The following DEPDC1 variants were observed in gnomAD, a reference collection of about 807,000 sequenced individuals.
The protein encoded by DEPDC1 is DEP domain containing 1.
DEPDC1 carries 66 observed loss-of-function variants against 86.8 expected under a neutral mutation model. The observed-to-expected ratio is 0.76, with a 90% CI of 0.62 to 0.93. The LOEUF (loss-of-function observed/expected upper bound fraction) is 0.93, where lower values mean the gene tolerates loss of function less well. Among genes scored for constraint, DEPDC1 ranks in the 40% least tolerant of loss-of-function variants. DEPDC1 has a pLI of 0.00. For missense variants in DEPDC1, 792 were observed against 935.7 expected, an observed-to-expected ratio of 0.85 and a Z score of 2.00; for synonymous variants, 255 against 314.9, an observed-to-expected ratio of 0.81 and a Z score of 2.02.
rs374120116 is a variant in DEPDC1 at position 68,477,774 on chromosome 1, C to A, written c.2298+13G>T. 55 of 1,455,254 alleles carry A rather than the reference C, an allele frequency of 3.8e-5. No homozygotes were observed. The highest frequency in any genetic ancestry group is 4.8e-5 in the Non-Finnish European group (52 of 1,085,312). 90.1% of individuals were successfully genotyped at this position (1,455,254 alleles called of 1,614,324 possible). On this transcript the variant is annotated intron_variant, in intron 11 of 11. Transcript: ENST00000456315. ...AAATGTTTACATGATTGAGAACTTG[C>A]TCATTCTCTTACCTGTTTTAGTTTT...
At chr1:68,488,874 A>C (rs758610376) in intron 4 of DEPDC1, 42 bp downstream of exon 4, 1 of 1,164,174 alleles carries the variant, frequency 8.6e-7, no homozygotes, top group African/African-American at 1.5e-5. Context: ...ATTAATAATC[A>C]GAACACATCA....
intron 6 of DEPDC1, among the ~76,000 whole-genome samples, chr1:68,484,709 G>A (rs1380661378): frequency 6.6e-6 from 1 of 151,878 alleles, no homozygotes; most frequent in Non-Finnish European, 1.5e-5. Flanking sequence ...TGTAAAATAA[G>A]CACAAGGCCC....
chr1:68,477,177 G>A, intron 11 of DEPDC1, 108 bp from the exon 12 acceptor site: 1 of 868,100 alleles, frequency 1.2e-6, no homozygotes, highest in African/African-American at 1.7e-5. Flanking sequence ...ACGTAGTATA[G>A]AGATTAGTAT....
chr1:68,482,080 T>C lies in DEPDC1; in HGVS notation c.1728A>G (p.Leu576=). The C allele has an allele frequency of 1.2e-6, 2 of 1,603,354 alleles. No individual in the cohort carries two copies. The highest frequency in any genetic ancestry group is 2.2e-5 in the East Asian group (1 of 44,808). The change falls in exon 8 of 12, where the codon TTA becomes TTG. Residue 576 remains leucine, a synonymous_variant. Transcript: ENST00000456315. ...KSTIELSENS[L]LPASSMLTGT... is the part of the protein sequence containing the mutation. The stretch of plus-strand genomic sequence containing the variant: ...CAGTCAACATAGAAGAAGCTGGAAG[T>C]AAAGAATTTTCTGAAAGTTCTATTG...
chr1:68,486,657 C>G (rs1311557622), intron 6 of DEPDC1, among the ~76,000 whole-genome samples: 1 of 151,704 alleles, frequency 6.6e-6, no homozygotes, highest in Admixed American at 6.6e-5. Context: ...CTTAAAAAAT[C>G]CTTTGAGATC....
At chr1:68,481,268 A>C (rs1208357668) in intron 9 of DEPDC1, among the ~76,000 whole-genome samples, 172 bp downstream of exon 9, 1 of 152,074 alleles carries the variant, frequency 6.6e-6, no homozygotes, top group Non-Finnish European at 1.5e-5. Flanking sequence ...GAGTGTGCAC[A>C]AAAGATTAAT....
rs530527404 is a variant in DEPDC1 at position 68,497,075 on chromosome 1, C to T, written c.-76G>A. The T allele has an allele frequency of 4.6e-6, 7 of 1,523,672 alleles. No homozygotes were observed. The Admixed American group carries it at 5.1e-5, about 11-fold the overall frequency. The allele number at this position is 1,523,672 out of a possible 1,614,324, so 94.4% of individuals were successfully genotyped here. A position where few individuals can be genotyped will look rare whatever the true frequency, so the allele number is the denominator to read the frequency against. On this transcript the variant is annotated 5_prime_UTR_variant, in exon 1 of 12. Transcript: ENST00000456315. ...CCCAGCGGCCGCGGCAGTGGCGAGT[C>T]TCGGCACAACCGTTGGCCCCGCCGC...
chr1:68,495,096 T>G (rs2100277475), intron 1 of DEPDC1, among the ~76,000 whole-genome samples: 1 of 152,140 alleles, frequency 6.6e-6, no homozygotes, highest in East Asian at 1.9e-4. Context: ...GAGCTGAGAT[T>G]GCACCATTGC....
intron 3 of DEPDC1, among the ~76,000 whole-genome samples, 168 bp downstream of exon 3, chr1:68,489,280 ATTCT>A (rs1239297889): frequency 1.3e-5 from 2 of 151,848 alleles, no homozygotes; most frequent in Non-Finnish European, 3.0e-5. Flanking sequence ...CATTTTTATT[ATTCT>A]TTCTATGGGT....
In DEPDC1 at chr1:68,496,761, T is replaced by C. The variant is rs943316874; in HGVS notation, c.48+191A>G. 7 of 565,038 alleles carry C rather than the reference T, an allele frequency of 1.2e-5. No individual in the cohort carries two copies. Among genetic ancestry groups the C allele is most frequent in the African/African-American group, 3.9e-5 (2 of 50,890 alleles). The allele number at this position is 565,038 out of a possible 1,614,324, so 35.0% of individuals were successfully genotyped here. A position where few individuals can be genotyped will look rare whatever the true frequency, so the allele number is the denominator to read the frequency against. ...GGACCTGAGGCCCAGACCCTCAAAA[T>C]AGAGGGAGCGGTGAGTCTGGCAAGG... On this transcript the variant is annotated intron_variant, in intron 1 of 11. Transcript: ENST00000456315. The surrounding 1 kb of genome is among the most constrained non-coding windows in gnomAD (Gnocchi z 4.0).
chr1:68,496,755 T>A lies in DEPDC1; in HGVS notation c.48+197A>T, dbSNP rs1646268522. The A allele has an allele frequency of 1.8e-6, 1 of 553,028 alleles. No individual in the cohort carries two copies. The highest frequency in any genetic ancestry group is 3.2e-6 in the Non-Finnish European group (1 of 311,698). The allele number at this position is 553,028 out of a possible 1,614,324, so 34.3% of individuals were successfully genotyped here. ...CCTTTCGGACCTGAGGCCCAGACCC[T>A]CAAAATAGAGGGAGCGGTGAGTCTG... On this transcript the variant is annotated intron_variant, in intron 1 of 11. Coordinates refer to ENST00000456315, the MANE Select transcript of DEPDC1 (RefSeq NM_001114120.3). This position sits in a 1 kb window ranked among gnomAD's most constrained non-coding sequence, Gnocchi z 4.0.
Position 68,496,654 on chromosome 1 carries a change from C to A in DEPDC1, c.48+298G>T. On this transcript the variant is annotated intron_variant, in intron 1 of 11. Transcript: ENST00000456315. This position sits in a 1 kb window ranked among gnomAD's most constrained non-coding sequence, Gnocchi z 4.0. ...CCAAATCGGAATATTCTAAGACGCC[C>A]CCACGGGACGCCGGCCACACCAGGC... The A allele has an allele frequency of 2.8e-6, 1 of 356,620 alleles. No homozygotes were observed. Among genetic ancestry groups the A allele is most frequent in the Non-Finnish European group, 5.1e-6 (1 of 197,884 alleles). 22.1% of individuals were successfully genotyped at this position (356,620 alleles called of 1,614,324 possible). A position where few individuals can be genotyped will look rare whatever the true frequency, so the allele number is the denominator to read the frequency against.
rs761606836 is a variant in DEPDC1, at chr1:68,482,853, GTATCCCA to G, written c.948_954del (p.Gly317IlefsTer15). On this transcript the variant is annotated frameshift_variant, in exon 8 of 12. Coordinates refer to ENST00000456315, the MANE Select transcript of DEPDC1 (RefSeq NM_001114120.3). LOFTEE classifies it high-confidence loss of function. ...GACTGTGGATCATCTTGAATTTTAT[GTATCCCA>G]CTGGATCTATCTGAAACTGTGATGT... The G allele has an allele frequency of 4.1e-5, 66 of 1,604,388 alleles. No individual in the cohort carries two copies. Among genetic ancestry groups the G allele is most frequent in the Non-Finnish European group, 5.5e-5 (65 of 1,176,214 alleles).
intron 2 of DEPDC1, among the ~76,000 whole-genome samples, chr1:68,491,650 T>TA (rs1290239212): frequency 6.6e-6 from 1 of 152,214 alleles, no homozygotes; most frequent in Non-Finnish European, 1.5e-5. Flanking sequence ...AATATAAACT[T>TA]ACAGTTTCAT....
rs1347565266 is a variant in DEPDC1, at chr1:68,482,746, T to G, written c.1062A>C (p.Lys354Asn). 1.2e-6 allele frequency: 2 copies of G among 1,612,590 alleles called. No individual in the cohort carries two copies. The highest frequency in any genetic ancestry group is 2.7e-5 in the African/African-American group (2 of 74,838). ...CAGTAGAATCTGATTCTTCTTTGTT[T>G]TTTTCTCTATGAAGCAGACTGAGAA... Reference protein sequence around the residue: ...CLLLSLLHREKNKEESDSTER... With the variant: ...CLLLSLLHRENNKEESDSTER... Residue 354 changes from lysine (K) to asparagine (N), a missense_variant, in exon 8 of 12, where the codon AAA becomes AAC. Lys to Asn is a moderately conservative substitution (Grantham distance 94). Transcript: ENST00000456315.
At chr1:68,489,149 G>A (rs1267241273) in intron 3 of DEPDC1, 115 bp from the exon 4 acceptor site, 2 of 703,864 alleles carry the variant, frequency 2.8e-6, no homozygotes, top group Non-Finnish European at 4.8e-6. Context: ...ATCTCCCAAA[G>A]AAATAATGTA....
At chr1:68,481,908 G>A in intron 8 of DEPDC1, 138 bp downstream of exon 8, 1 of 908,142 alleles carries the variant, frequency 1.1e-6, no homozygotes, top group Non-Finnish European at 1.6e-6. Context: ...TTATGTCACA[G>A]ACAAAAGTCT....
intron 2 of DEPDC1, 63 bp downstream of exon 2, chr1:68,494,367 T>C: frequency 7.1e-7 from 1 of 1,412,640 alleles, no homozygotes; most frequent in South Asian, 1.4e-5. Flanking sequence ...AGTAAAAGTA[T>C]AATATAAGTA....
intron 1 of DEPDC1, among the ~76,000 whole-genome samples, chr1:68,495,114 C>G (rs1646256444): frequency 6.6e-6 from 1 of 151,058 alleles, no homozygotes; most frequent in Non-Finnish European, 1.5e-5. Flanking sequence ...TGCACTCTAG[C>G]CTTGGCAACA....
Sources: allele counts gnomAD v4.1 joint callset (sites outside exome capture counted in the v4.1 genomes callset), GRCh38; gene constraint gnomAD v4.1.1; non-coding constraint Gnocchi (gnomAD v3.1); transcripts MANE v1.5; gene names NCBI Gene and HGNC (gene_info 2026-07-23, HGNC 2026-07-21).